The following CSMD1 variants were observed in gnomAD, a reference collection of about 807,000 sequenced individuals.
The protein encoded by CSMD1 is CUB and sushi domain-containing protein 1.
In CSMD1, 213 loss-of-function variants were observed where a neutral mutation model predicts 417.5. The observed-to-expected ratio is 0.51, with a 90% CI of 0.46 to 0.57. CSMD1 has a LOEUF of 0.57. Among genes scored for constraint, CSMD1 ranks in the 20% least tolerant of loss-of-function variants. The pLI is 0.00. For missense variants in CSMD1, 6,923 were observed against 4,529.7 expected (o/e 1.53, Z -15.17); for synonymous variants, 2,862 against 1,736.8 (o/e 1.65, Z -16.11).
chr8:3,777,760 G>C (rs572998099), intron 5 of CSMD1, among the ~76,000 whole-genome samples: 3 of 93,650 alleles, frequency 3.2e-5, no homozygotes, highest in Non-Finnish European at 6.5e-5. Flanking sequence ...TTGAAGTGCA[G>C]AGTCTCAGTT....
intron 5 of CSMD1, among the ~76,000 whole-genome samples, chr8:3,798,309 C>T (rs1199129400): frequency 3.3e-5 from 5 of 151,918 alleles, no homozygotes; most frequent in East Asian, 1.9e-4. Flanking sequence ...ATTAGTGCTT[C>T]GTCTATCTTA....
rs570536002 is a variant in CSMD1 at position 3,045,862 on chromosome 8, C to T, written c.7660+6600G>A. Among the ~76,000 whole-genome samples the T allele has an allele frequency of 2.6e-5, 4 of 152,146 alleles. No individual in the cohort carries two copies. The South Asian group carries it at 8.3e-4, about 32-fold the overall frequency. Reference sequence around the variant, plus strand: ...AATATGGTGATAATGAAATTACATACCTCATAATAATTAAGTAAATTAACT... The same window carrying T: ...AATATGGTGATAATGAAATTACATATCTCATAATAATTAAGTAAATTAACT... On this transcript the variant is annotated intron_variant, in intron 50 of 69. Transcript: ENST00000635120.
chr8:3,403,463 C>A (rs1197984381), intron 15 of CSMD1, among the ~76,000 whole-genome samples: 1 of 152,216 alleles, frequency 6.6e-6, no homozygotes, highest in Non-Finnish European at 1.5e-5. Flanking sequence ...CGCAGGTAGA[C>A]TTTTAACATC....
intron 12 of CSMD1, among the ~76,000 whole-genome samples, chr8:3,465,679 G>C (rs1276055295): frequency 6.6e-6 from 1 of 152,220 alleles, no homozygotes; most frequent in East Asian, 1.9e-4. Flanking sequence ...GTCAAGGTTG[G>C]AGTAGGTAGG....
At chr8:3,849,055 G>A (rs57280665) in intron 5 of CSMD1, among the ~76,000 whole-genome samples, 1 of 151,812 alleles carries the variant, frequency 6.6e-6, no homozygotes, top group Non-Finnish European at 1.5e-5. Flanking sequence ...ATGCAGTTTT[G>A]GCCCTCAATA....
At chr8:3,594,436 T>C (rs902897500) in intron 8 of CSMD1, among the ~76,000 whole-genome samples, 6 of 152,144 alleles carry the variant, frequency 3.9e-5, no homozygotes, top group African/African-American at 9.7e-5. Flanking sequence ...AATGAGTATA[T>C]GTGTTATGGA....
At chr8:4,007,994 T>C (rs186983930) in intron 4 of CSMD1, among the ~76,000 whole-genome samples, 3 of 152,318 alleles carry the variant, frequency 2.0e-5, no homozygotes, top group East Asian at 3.9e-4. Flanking sequence ...CGATTCATAA[T>C]TGTAGCAATC....
At chr8:3,450,936 G>A (rs1563402886) in intron 12 of CSMD1, among the ~76,000 whole-genome samples, 1 of 152,062 alleles carries the variant, frequency 6.6e-6, no homozygotes, top group Non-Finnish European at 1.5e-5. Context: ...CACCAACAGT[G>A]TAAAAGTGTT....
chr8:3,586,711 C>T (rs891858522), intron 8 of CSMD1, among the ~76,000 whole-genome samples: 3 of 152,116 alleles, frequency 2.0e-5, no homozygotes, highest in Non-Finnish European at 4.4e-5. Context: ...CTGTATTTTG[C>T]TATCACACAT....
chr8:3,459,505 C>A (rs548046391), intron 12 of CSMD1, among the ~76,000 whole-genome samples: 1 of 152,090 alleles, frequency 6.6e-6, no homozygotes, highest in Non-Finnish European at 1.5e-5. Context: ...ATGCGGCAGT[C>A]GGAGACACGG....
intron 36 of CSMD1, 125 bp from the exon 37 acceptor site, chr8:3,181,339 A>C: frequency 1.5e-6 from 1 of 667,558 alleles, no homozygotes; most frequent in Non-Finnish European, 2.6e-6. Context: ...CCAGATATTT[A>C]ATCTGAGTGT....
At position 4,788,442 on chromosome 8, in the gene CSMD1, T is replaced by G. The variant is rs896690431; in HGVS notation, c.86-150884A>C. On this transcript the variant is annotated intron_variant, in intron 1 of 69. Coordinates refer to ENST00000635120, the MANE Select transcript of CSMD1 (RefSeq NM_033225.6). ...CAGGGTCTTGGCTGTTCAACCACAC[T>G]TTCTCCAGAAGGATCAGCTCAATTT... The G allele has an allele frequency of 2.2e-5, 29 of 1,328,554 alleles. No individual in the cohort carries two copies. In the African/African-American group the frequency reaches 4.3e-4, roughly 20 times the overall value. The allele number at this position is 1,328,554 out of a possible 1,614,324, so 82.3% of individuals were successfully genotyped here. A position where few individuals can be genotyped will look rare whatever the true frequency, so the allele number is the denominator to read the frequency against.
intron 3 of CSMD1, among the ~76,000 whole-genome samples, chr8:4,374,405 T>C (rs540345808): frequency 4.6e-5 from 7 of 152,178 alleles, no homozygotes; most frequent in Non-Finnish European, 1.0e-4. Flanking sequence ...TCATAGGGGC[T>C]GAAGGCACCT....
chr8:4,383,313 G>A (rs569850047), intron 3 of CSMD1, among the ~76,000 whole-genome samples: 1 of 152,106 alleles, frequency 6.6e-6, no homozygotes. Flanking sequence ...CGGTGGGCAT[G>A]GGGGGATCTC....
At chr8:4,560,846 C>G (rs531264998) in intron 2 of CSMD1, among the ~76,000 whole-genome samples, 57 of 152,254 alleles carry the variant, frequency 3.7e-4, no homozygotes, top group Non-Finnish European at 6.9e-4. Flanking sequence ...AGATGTTCAC[C>G]AGCAAATCTC....
chr8:4,320,482 AT>A (rs1403212197), intron 3 of CSMD1, among the ~76,000 whole-genome samples: 3 of 151,946 alleles, frequency 2.0e-5, no homozygotes, highest in Non-Finnish European at 4.4e-5. Flanking sequence ...TACATTAGAT[AT>A]TTTTCCTAAT....
At chr8:4,338,562 T>G (rs1444511935) in intron 3 of CSMD1, among the ~76,000 whole-genome samples, 1 of 152,086 alleles carries the variant, frequency 6.6e-6, no homozygotes, top group Non-Finnish European at 1.5e-5. Context: ...AACTAATTTC[T>G]GGGTTTGATA....
chr8:3,850,392 A>T (rs1803816223), intron 5 of CSMD1, among the ~76,000 whole-genome samples: 5 of 152,172 alleles, frequency 3.3e-5, no homozygotes. Context: ...CACTGAATTC[A>T]ACTCCTCAAA....
At chr8:4,819,204 AAATAAT>A (rs571793898) in intron 1 of CSMD1, among the ~76,000 whole-genome samples, 1 of 152,214 alleles carries the variant, frequency 6.6e-6, no homozygotes, top group African/African-American at 2.4e-5. Context: ...TTGACAGAAG[AAATAAT>A]AATAACAATT....
Sources: allele counts gnomAD v4.1 joint callset (sites outside exome capture counted in the v4.1 genomes callset), GRCh38; gene constraint gnomAD v4.1.1; transcripts MANE v1.5; gene names NCBI Gene and HGNC (gene_info 2026-07-23, HGNC 2026-07-21).